Variants in DIAPH2 observed in about 807,000 individuals in gnomAD.
DIAPH2 encodes diaphanous related formin 2.
In DIAPH2, 35 loss-of-function variants were observed where a neutral mutation model predicts 92.7. The ratio of observed to expected loss-of-function variants is 0.38; its 90% confidence interval spans 0.29 to 0.50. The LOEUF (loss-of-function observed/expected upper bound fraction) is 0.50, where lower values mean the gene tolerates loss of function less well. DIAPH2 is among the 20% of genes least tolerant of loss of function. DIAPH2 has a pLI of 0.94. For missense variants in DIAPH2, 701 were observed against 819.5 expected (o/e 0.86, Z 1.77); for synonymous variants, 301 against 280.4 (o/e 1.07, Z -0.73).
In DIAPH2 at chrX:97,601,785, T is replaced by TATG. The variant is rs1211776900; in HGVS notation, c.*2472_*2474dup. On this transcript the variant is annotated 3_prime_UTR_variant, in exon 27 of 27. Transcript: ENST00000324765. Reference sequence around the variant, plus strand: ...TGCTGTAACAAATTACCACCAATAATATGATGGCTTAACACAACAGAAACT... The same window carrying TATG: ...TGCTGTAACAAATTACCACCAATAATATGATGATGGCTTAACACAACAGAAACT... 1 of 111,325 alleles carries TATG rather than the reference T, an allele frequency of 9.0e-6. No homozygotes were observed. The highest frequency in any genetic ancestry group is 1.9e-5 in the Non-Finnish European group (1 of 53,271). 9.2% of individuals were successfully genotyped at this position (111,325 alleles called of 1,213,427 possible).
intron 5 of DIAPH2, among the ~76,000 whole-genome samples, chrX:96,901,532 G>GGTTTTTTTTTTTTTTTTT: frequency 3.0e-5 from 1 of 33,083 alleles, no homozygotes; most frequent in African/African-American, 1.0e-4. Context: ...TTTTCTTTCT[G>GGTTTTTTTTTTTTTTTTT]TTTTTTTTTT....
At chrX:97,141,563 TA>T in intron 21 of DIAPH2, 101 bp from the exon 22 acceptor site, 1 of 930,662 alleles carries the variant, frequency 1.1e-6, no homozygotes, top group Non-Finnish European at 1.4e-6. Flanking sequence ...CCCAAAGTTT[TA>T]AAAACATTTT....
At chrX:97,037,736 A>C (rs2066420806) in intron 17 of DIAPH2, among the ~76,000 whole-genome samples, 1 of 111,769 alleles carries the variant, frequency 8.9e-6, no homozygotes, top group Admixed American at 9.5e-5. Flanking sequence ...TGTAGTATAT[A>C]CTATAACCTG....
At position 97,579,598 on chromosome X, in the gene DIAPH2, G is replaced by A. The variant is rs1462947356; in HGVS notation, c.3242-19655G>A. 7.2e-5 allele frequency among the ~76,000 whole-genome samples: 8 copies of A among 111,207 alleles called. 1 individual carries two copies. The East Asian group carries it at 1.4e-3, about 19-fold the overall frequency. ...TTGTAGTATAGTTTGAAGTCAGGTA[G>A]TGTGTTGCCTCCAGCTTTGTTCTTT... On this transcript the variant is annotated intron_variant, in intron 26 of 26. Transcript: ENST00000324765.
At chrX:97,152,986 T>C (rs980911135) in intron 22 of DIAPH2, among the ~76,000 whole-genome samples, 2 of 111,871 alleles carry the variant, frequency 1.8e-5, no homozygotes, top group Admixed American at 9.5e-5. Flanking sequence ...GGGATGAGAA[T>C]CAGGACACAC....
At chrX:97,044,493 A>C (rs922049404) in intron 17 of DIAPH2, among the ~76,000 whole-genome samples, 28 of 111,323 alleles carry the variant, frequency 2.5e-4, no homozygotes, top group African/African-American at 9.1e-4. Flanking sequence ...GAGCCCCTTC[A>C]TATTCCCTTG....
chrX:96,812,299 T>C (rs990211536), intron 4 of DIAPH2, among the ~76,000 whole-genome samples: 6 of 112,469 alleles, frequency 5.3e-5, no homozygotes, highest in African/African-American at 1.9e-4. Flanking sequence ...TTTTCTAGTT[T>C]ATTTGCATAG....
Position 97,570,135 on chromosome X carries a change from T to TAGATAGA in DIAPH2, c.3242-29117_3242-29111dup, listed in dbSNP as rs1325159735. ...ATATATATATATATTAGAAGATAGA[T>TAGATAGA]AGATAGATAGATAGATAGATAGATA... On this transcript the variant is annotated intron_variant, in intron 26 of 26. Coordinates refer to ENST00000324765, the MANE Select transcript of DIAPH2 (RefSeq NM_006729.5). 4.6e-3 allele frequency among the ~76,000 whole-genome samples: 331 copies of TAGATAGA among 71,844 alleles called. 7 individuals carry two copies. The highest frequency in any genetic ancestry group is 0.017 in the African/African-American group (317 of 18,441). The allele number at this position is 71,844 out of a possible 115,157, so 62.4% of individuals were successfully genotyped here.
rs980157971 is a variant in DIAPH2 at position 97,111,384 on chromosome X, G to A, written c.2350-3342G>A. On this transcript the variant is annotated intron_variant, in intron 20 of 26. Coordinates refer to ENST00000324765, the MANE Select transcript of DIAPH2 (RefSeq NM_006729.5). ...GCCCCTGCTGCCTTAGTCCCTGATT[G>A]GCTTACTGGAATTTAAGTAGCAGCA... Among the ~76,000 whole-genome samples the A allele has an allele frequency of 2.7e-5, 3 of 111,557 alleles. No individual in the cohort carries two copies. In the Admixed American group the frequency reaches 2.9e-4, roughly 11 times the overall value.
chrX:97,319,633 G>A (rs774181687), intron 23 of DIAPH2, among the ~76,000 whole-genome samples: 15 of 109,741 alleles, frequency 1.4e-4, no homozygotes, highest in African/African-American at 4.6e-4. Context: ...TGATCTGCCC[G>A]CCTCAGCCTC....
At chrX:96,806,241 T>G (rs1466276339) in intron 4 of DIAPH2, among the ~76,000 whole-genome samples, 1 of 112,242 alleles carries the variant, frequency 8.9e-6, no homozygotes, top group Non-Finnish European at 1.9e-5. Context: ...ATTTTCCTTT[T>G]ACTTATATGT....
intron 26 of DIAPH2, among the ~76,000 whole-genome samples, chrX:97,515,031 G>C (rs1318306159): frequency 1.8e-5 from 2 of 110,790 alleles, no homozygotes; most frequent in African/African-American, 3.3e-5. Context: ...GCTGTGGTGG[G>C]CTCCACCCAG....
At chrX:97,428,721 T>C (rs2070096426) in intron 25 of DIAPH2, among the ~76,000 whole-genome samples, 1 of 111,004 alleles carries the variant, frequency 9.0e-6, no homozygotes, top group Non-Finnish European at 1.9e-5. Context: ...CACATTTAGC[T>C]ACCCTCAAGG....
chrX:96,827,029 A>G (rs2147683521), intron 4 of DIAPH2, among the ~76,000 whole-genome samples: 1 of 112,776 alleles, frequency 8.9e-6, no homozygotes. Context: ...AAATTATTAA[A>G]CATTTGAAAC....
At chrX:97,589,027 A>ATATATATATATATAT (rs748240865) in intron 26 of DIAPH2, among the ~76,000 whole-genome samples, 169 of 84,983 alleles carry the variant, frequency 2.0e-3, no homozygotes, top group Non-Finnish European at 2.5e-3. Context: ...ATATATATAT[A>ATATATATATATATAT]AAAGAATCAG....
intron 5 of DIAPH2, among the ~76,000 whole-genome samples, chrX:96,907,583 C>T (rs1355839604): frequency 8.9e-6 from 1 of 112,005 alleles, no homozygotes; most frequent in Non-Finnish European, 1.9e-5. Flanking sequence ...TGGGAAGTCA[C>T]TTAACTACTT....
chrX:97,408,389 A>C (rs2069831665), intron 25 of DIAPH2, among the ~76,000 whole-genome samples: 1 of 107,343 alleles, frequency 9.3e-6, no homozygotes, highest in Admixed American at 1.0e-4. Flanking sequence ...TTTTAATTTA[A>C]AGGTTAGATT....
At position 96,744,818 on chromosome X, in the gene DIAPH2, G is replaced by A. The variant is rs771281257; in HGVS notation, c.342+6056G>A. On this transcript the variant is annotated intron_variant, in intron 3 of 26. Transcript: ENST00000324765. ...GGGTGTCTTTCCTTGTACAAATAAC[G>A]TAAAAGGTGTTCTTGTCGTATTTGA... is the stretch of plus-strand genomic sequence containing the variant. 8.1e-5 allele frequency among the ~76,000 whole-genome samples: 9 copies of A among 111,113 alleles called. No individual in the cohort carries two copies. The South Asian group carries it at 2.7e-3, about 33-fold the overall frequency.
At chrX:97,365,499 T>C (rs1221675487) in intron 24 of DIAPH2, among the ~76,000 whole-genome samples, 1 of 110,769 alleles carries the variant, frequency 9.0e-6, no homozygotes, top group African/African-American at 3.3e-5. Flanking sequence ...CTACCCTTTT[T>C]CTCTGATTGG....
Sources: gnomAD v4.1 joint callset for allele counts (sites outside exome capture counted in the v4.1 genomes callset) on GRCh38, gnomAD v4.1.1 for gene constraint, MANE v1.5 for transcripts, NCBI Gene and HGNC (gene_info 2026-07-23, HGNC 2026-07-21) for gene names.